USP6NL: variants seen among roughly 807,000 people sequenced by gnomAD.
USP6NL encodes the protein USP6 N-terminal like, also known as USP6 N-terminal-like protein.
In USP6NL, 26 loss-of-function variants were observed where a neutral mutation model predicts 61.9. The ratio of observed to expected loss-of-function variants is 0.42; its 90% CI spans 0.31 to 0.58. The LOEUF (loss-of-function observed/expected upper bound fraction) is 0.58, where lower values mean the gene tolerates loss of function less well. USP6NL is among the 20% of genes least tolerant of loss of function. The pLI is 0.16. For missense variants in USP6NL, 1,114 were observed against 1,034.3 expected (o/e 1.08, Z -1.06); for synonymous variants, 432 against 390.1 (o/e 1.11, Z -1.27).
chr10:11,525,279 T>A lies in USP6NL; in HGVS notation c.155+107A>T. On this transcript the variant is annotated intron_variant, in intron 4 of 14. Coordinates refer to ENST00000609104, the MANE Select transcript of USP6NL (RefSeq NM_014688.5). This position sits in a 1 kb window ranked among gnomAD's most constrained non-coding sequence, Gnocchi z 5.0. ...AGTATCAAAACGCATATTGTAAGAC[T>A]ATTCCTTATTCACAGCAATTATATT... is the stretch of plus-strand genomic sequence containing the variant. The A allele has an allele frequency of 2.3e-6, 2 of 871,492 alleles. No individual in the cohort carries two copies. Among genetic ancestry groups the A allele is most frequent in the South Asian group, 3.7e-5 (2 of 54,202 alleles). The allele number at this position is 871,492 out of a possible 1,614,324, so 54.0% of individuals were successfully genotyped here.
intron 2 of USP6NL, among the ~76,000 whole-genome samples, chr10:11,566,684 G>A (rs1837172475): frequency 6.6e-6 from 1 of 152,188 alleles, no homozygotes; most frequent in African/African-American, 2.4e-5. Context: ...GCTAGAATGA[G>A]GAACTAAATT....
At chr10:11,469,786 C>G (rs1198099397) in intron 14 of USP6NL, among the ~76,000 whole-genome samples, 2 of 152,212 alleles carry the variant, frequency 1.3e-5, no homozygotes, top group African/African-American at 4.8e-5. Flanking sequence ...GTTTGCTTCA[C>G]TTTAAACAGT....
In USP6NL at chr10:11,462,494, A is replaced by AG. The variant is rs2096218531; in HGVS notation, c.2433dup (p.Tyr812LeufsTer50). On this transcript the variant is annotated frameshift_variant, in exon 15 of 15. Coordinates refer to ENST00000609104, the MANE Select transcript of USP6NL (RefSeq NM_014688.5). LOFTEE classifies it high-confidence loss of function. ...AGCCCGTCCCGATTCCTGTAGTGGT[A>AG]GGCTGGAGGCGGGGGCCCTGAATAT... The AG allele has an allele frequency of 6.2e-7, 1 of 1,614,026 alleles. No homozygotes were observed. The highest frequency in any genetic ancestry group is 8.5e-7 in the Non-Finnish European group (1 of 1,179,898).
At chr10:11,565,890 T>G (rs1237721356) in intron 2 of USP6NL, among the ~76,000 whole-genome samples, 1 of 151,528 alleles carries the variant, frequency 6.6e-6, no homozygotes, top group East Asian at 2.0e-4. Context: ...AGTTTTGATA[T>G]TAATAGCAAT....
At chr10:11,610,610 G>A (rs959058561) in intron 1 of USP6NL, among the ~76,000 whole-genome samples, 11 of 151,694 alleles carry the variant, frequency 7.3e-5, no homozygotes, top group Non-Finnish European at 1.3e-4. Flanking sequence ...TACTTAAGAC[G>A]GCGTCCTCAC....
At chr10:11,593,815 G>C (rs752939199) in intron 2 of USP6NL, among the ~76,000 whole-genome samples, 6 of 152,178 alleles carry the variant, frequency 3.9e-5, no homozygotes, top group Non-Finnish European at 1.5e-5. Context: ...GGGCTGAGAC[G>C]TTAGAGCCAG....
chr10:11,542,466 C>G (rs1441282349), intron 2 of USP6NL, among the ~76,000 whole-genome samples: 2 of 152,170 alleles, frequency 1.3e-5, no homozygotes, highest in Non-Finnish European at 2.9e-5. Flanking sequence ...TGCCTGTAAT[C>G]CCAGCACTTT....
rs943171643 is a variant in USP6NL, at chr10:11,592,137, A to G, written c.4+5494T>C. On this transcript the variant is annotated intron_variant, in intron 2 of 14. Transcript: ENST00000609104. This position sits in a 1 kb window ranked among gnomAD's most constrained non-coding sequence, Gnocchi z 4.7. ...TCTGGCCACCTCAGCCTCCCAAAGT[A>G]TTGGCATTACAGCCGTGAGCCACCA... 6.6e-6 allele frequency among the ~76,000 whole-genome samples: 1 copy of G among 152,136 alleles called. No homozygotes were observed. Among genetic ancestry groups the G allele is most frequent in the African/African-American group, 2.4e-5 (1 of 41,442 alleles).
chr10:11,502,854 A>G (rs1834263393), intron 6 of USP6NL, among the ~76,000 whole-genome samples: 1 of 152,200 alleles, frequency 6.6e-6, no homozygotes, highest in South Asian at 2.1e-4. Context: ...AAATTTCAGT[A>G]GATAGTGACT....
In USP6NL at chr10:11,487,015, C is replaced by A. The variant is rs1833497998; in HGVS notation, c.665-1104G>T. Among the ~76,000 whole-genome samples the A allele has an allele frequency of 6.6e-6, 1 of 151,370 alleles. No individual in the cohort carries two copies. The highest frequency in any genetic ancestry group is 2.4e-5 in the African/African-American group (1 of 41,136). On this transcript the variant is annotated intron_variant, in intron 10 of 14. Coordinates refer to ENST00000609104, the MANE Select transcript of USP6NL (RefSeq NM_014688.5). The surrounding 1 kb of genome is among the most constrained non-coding windows in gnomAD (Gnocchi z 4.2). ...TCCAGAGACAGAAATTCTATTTCTC[C>A]TTTAGTAATATTTTTCAGTGAAATT...
rs1040499983 is a variant in USP6NL, at chr10:11,537,690, G to C, written c.5-10123C>G. On this transcript the variant is annotated intron_variant, in intron 2 of 14. Transcript: ENST00000609104. The surrounding 1 kb of genome is among the most constrained non-coding windows in gnomAD (Gnocchi z 5.1). ...GTTGCCAAGCAAGTAGGGTCAGTGG[G>C]GCTGGGGAGGATGCAGCAAAGCTCT... 6.6e-6 allele frequency among the ~76,000 whole-genome samples: 1 copy of C among 152,162 alleles called. No homozygotes were observed. The highest frequency in any genetic ancestry group is 1.5e-5 in the Non-Finnish European group (1 of 68,022).
At position 11,562,633 on chromosome 10, in the gene USP6NL, C is replaced by T. The variant is rs1836986698; in HGVS notation, c.4+34998G>A. On this transcript the variant is annotated intron_variant, in intron 2 of 14. Transcript: ENST00000609104. The surrounding 1 kb of genome is among the most constrained non-coding windows in gnomAD (Gnocchi z 4.8). ...AAATGTAATTCTAACACTGAACAGT[C>T]CTCTAATTATTTGTGACACTCAACA... The T allele has an allele frequency of 2.0e-6, 2 of 985,264 alleles. No homozygotes were observed. The highest frequency in any genetic ancestry group is 6.2e-5 in the Admixed American group (1 of 16,254). The allele number at this position is 985,264 out of a possible 1,614,324, so 61.0% of individuals were successfully genotyped here. A position where few individuals can be genotyped will look rare whatever the true frequency, so the allele number is the denominator to read the frequency against.
intron 5 of USP6NL, among the ~76,000 whole-genome samples, chr10:11,517,674 T>C (rs1373795313): frequency 1.3e-5 from 2 of 152,222 alleles, no homozygotes; most frequent in Non-Finnish European, 2.9e-5. Context: ...ATACATAAAA[T>C]GGCAATTTCA....
chr10:11,555,164 C>A (rs1395145681), intron 2 of USP6NL, among the ~76,000 whole-genome samples: 1 of 145,580 alleles, frequency 6.9e-6, no homozygotes, highest in Non-Finnish European at 1.5e-5. Context: ...GGCTCTAATC[C>A]CAGCACTTTG....
At chr10:11,545,854 GAC>G (rs1350634441) in intron 2 of USP6NL, among the ~76,000 whole-genome samples, 1 of 149,560 alleles carries the variant, frequency 6.7e-6, no homozygotes, top group Non-Finnish European at 1.5e-5. Context: ...ATTTGCATAT[GAC>G]ACTGATCTTG....
chr10:11,610,356 T>C (rs1216949783), intron 1 of USP6NL, among the ~76,000 whole-genome samples: 2 of 152,190 alleles, frequency 1.3e-5, no homozygotes, highest in African/African-American at 2.4e-5. Context: ...AATAAACCAC[T>C]GTTCACTTGC....
At chr10:11,558,921 G>A (rs1836820848) in intron 2 of USP6NL, among the ~76,000 whole-genome samples, 1 of 152,084 alleles carries the variant, frequency 6.6e-6, no homozygotes, top group Non-Finnish European at 1.5e-5. Context: ...TTGCCTAGAT[G>A]ATATATTTAG....
chr10:11,538,690 T>C (rs1222757844), intron 2 of USP6NL, among the ~76,000 whole-genome samples: 1 of 152,234 alleles, frequency 6.6e-6, no homozygotes, highest in Non-Finnish European at 1.5e-5. Flanking sequence ...CTTTCTCTTA[T>C]ATATTTATTC....
At chr10:11,503,540 T>C (rs548025482) in intron 6 of USP6NL, among the ~76,000 whole-genome samples, 1 of 152,262 alleles carries the variant, frequency 6.6e-6, no homozygotes, top group South Asian at 2.1e-4. Context: ...CAGGTACATA[T>C]GGGAAAGCTT....
Sources: gnomAD v4.1 joint callset for allele counts (sites outside exome capture counted in the v4.1 genomes callset) on GRCh38, gnomAD v4.1.1 for gene constraint, Gnocchi (gnomAD v3.1) non-coding constraint, MANE v1.5 for transcripts, NCBI Gene and HGNC (gene_info 2026-07-23, HGNC 2026-07-21) for gene names.